Variants in DAPL1 observed in about 807,000 individuals in gnomAD.
DAPL1 encodes the protein death associated protein like 1.
A neutral mutation model predicts 12.9 loss-of-function variants in DAPL1; 17 were observed. That is an observed-to-expected ratio of 1.32 (90% CI 0.90 to 1.98). The LOEUF is 1.98. Ranked by LOEUF, DAPL1 falls within the 30% of genes most tolerant of loss-of-function variation. DAPL1 has a pLI of 0.00. For synonymous variants in DAPL1, 51 were observed against 42.0 expected (o/e 1.21, Z -0.82); for missense variants, 157 against 125.7 (o/e 1.25, Z -1.19).
chr2:158,802,813 C>CT (rs1196067323), intron 1 of DAPL1, among the ~76,000 whole-genome samples: 1 of 152,094 alleles, frequency 6.6e-6, no homozygotes, highest in African/African-American at 2.4e-5. Context: ...ATCCAAGAAC[C>CT]TTTTTTTGGA....
At chr2:158,804,210 T>A (rs2059186114) in intron 1 of DAPL1, 72 bp from the exon 2 acceptor site, 1 of 994,890 alleles carries the variant, frequency 1.0e-6, no homozygotes, top group Admixed American at 2.6e-5. Context: ...AAATCTAAAG[T>A]CATACCTTTA....
chr2:158,796,140 T>A (rs1174180645), intron 1 of DAPL1, among the ~76,000 whole-genome samples: 1 of 152,240 alleles, frequency 6.6e-6, no homozygotes, highest in Non-Finnish European at 1.5e-5. Context: ...TCATATAGAT[T>A]GGCTGAGGTG....
intron 2 of DAPL1, among the ~76,000 whole-genome samples, chr2:158,805,468 A>G (rs966732429): frequency 6.6e-6 from 1 of 152,144 alleles, no homozygotes; most frequent in African/African-American, 2.4e-5. Context: ...TGCATTCTGT[A>G]AATGATATCA....
chr2:158,801,401 C>A (rs2059166812), intron 1 of DAPL1, among the ~76,000 whole-genome samples: 1 of 152,228 alleles, frequency 6.6e-6, no homozygotes, highest in African/African-American at 2.4e-5. Flanking sequence ...TGAGCAGTCA[C>A]CATCTCCCAT....
At chr2:158,796,398 G>C (rs548365624) in intron 1 of DAPL1, among the ~76,000 whole-genome samples, 5 of 152,268 alleles carry the variant, frequency 3.3e-5, no homozygotes, top group African/African-American at 1.2e-4. Context: ...TTTCCGGCGG[G>C]TAGCCTGGCC....
At chr2:158,803,283 A>G (rs923410957) in intron 1 of DAPL1, among the ~76,000 whole-genome samples, 1 of 152,244 alleles carries the variant, frequency 6.6e-6, no homozygotes, top group Non-Finnish European at 1.5e-5. Flanking sequence ...CCTTATGCAG[A>G]TAAGATAACC....
intron 3 of DAPL1, 30 bp downstream of exon 3, chr2:158,807,145 C>A: frequency 6.4e-7 from 1 of 1,572,002 alleles, no homozygotes; most frequent in Non-Finnish European, 8.7e-7. Context: ...CATAGCGCTC[C>A]AAGTCAATCT....
intron 3 of DAPL1, among the ~76,000 whole-genome samples, chr2:158,810,627 G>C (rs2059225369): frequency 6.6e-6 from 1 of 152,102 alleles, no homozygotes; most frequent in Non-Finnish European, 1.5e-5. Flanking sequence ...AAGCAGCCTA[G>C]AATCTACCCC....
intron 3 of DAPL1, among the ~76,000 whole-genome samples, chr2:158,814,235 G>T (rs1471011030): frequency 6.6e-6 from 1 of 152,048 alleles, no homozygotes; most frequent in Admixed American, 6.5e-5. Flanking sequence ...AAAACATTCT[G>T]CCCTTAACAC....
At chr2:158,812,921 A>T (rs1485937299) in intron 3 of DAPL1, among the ~76,000 whole-genome samples, 1 of 152,154 alleles carries the variant, frequency 6.6e-6, no homozygotes, top group South Asian at 2.1e-4. Context: ...AGATATTTGT[A>T]CACCAATATT....
chr2:158,798,550 G>A (rs568009355), intron 1 of DAPL1, among the ~76,000 whole-genome samples: 11 of 152,286 alleles, frequency 7.2e-5, no homozygotes, highest in East Asian at 1.9e-4. Context: ...ACTTCTAGAC[G>A]TGGCAACAGC....
At chr2:158,811,382 G>A (rs745909610) in intron 3 of DAPL1, among the ~76,000 whole-genome samples, 9 of 152,020 alleles carry the variant, frequency 5.9e-5, no homozygotes, top group African/African-American at 2.2e-4. Context: ...GCCAATATTC[G>A]AGTTGGAAGT....
intron 3 of DAPL1, among the ~76,000 whole-genome samples, chr2:158,814,704 T>C (rs1460708248): frequency 6.6e-6 from 1 of 152,204 alleles, no homozygotes; most frequent in African/African-American, 2.4e-5. Context: ...AAACAAACCA[T>C]GAACAGTATG....
chr2:158,800,087 C>A (rs2059158925), intron 1 of DAPL1, among the ~76,000 whole-genome samples: 1 of 144,948 alleles, frequency 6.9e-6, no homozygotes, highest in Admixed American at 6.9e-5. Flanking sequence ...AAAAATTTGG[C>A]ATTTATTTCT....
chr2:158,810,300 A>G (rs1184172707), intron 3 of DAPL1, among the ~76,000 whole-genome samples: 2 of 152,188 alleles, frequency 1.3e-5, no homozygotes, highest in Non-Finnish European at 2.9e-5. Flanking sequence ...ACCTAACAAT[A>G]TACAGCTGGT....
chr2:158,810,709 C>T (rs2105155738), intron 3 of DAPL1, among the ~76,000 whole-genome samples: 1 of 152,252 alleles, frequency 6.6e-6, no homozygotes, highest in African/African-American at 2.4e-5. Flanking sequence ...TGCTTTCCTC[C>T]TCACTCTCCA....
At chr2:158,796,085 C>T (rs768951668) in intron 1 of DAPL1, among the ~76,000 whole-genome samples, 45 of 152,064 alleles carry the variant, frequency 3.0e-4, no homozygotes, top group Middle Eastern at 3.2e-3. Flanking sequence ...TCTATATTGA[C>T]TCTCTGGAAT....
chr2:158,806,876 C>G (rs1019628156), intron 2 of DAPL1, among the ~76,000 whole-genome samples, 179 bp from the exon 3 acceptor site: 15 of 151,420 alleles, frequency 9.9e-5, no homozygotes, highest in East Asian at 1.9e-4. Context: ...AATAATTTGG[C>G]CTGCAAAGCT....
chr2:158,815,794 C>T lies in DAPL1; in HGVS notation c.297C>T (p.Tyr99=), dbSNP rs748374485. The T allele has an allele frequency of 5.0e-6, 8 of 1,613,240 alleles. No individual in the cohort carries two copies. The South Asian group carries it at 8.8e-5, about 18-fold the overall frequency. Residue 99 remains tyrosine (Y), a synonymous_variant, in exon 4 of 4, where the codon TAC becomes TAT. Transcript: ENST00000309950. ...LEKVVPLKRI[Y]IIQQPRKC ...AGGTTGTTCCACTGAAAAGGATCTA[C>T]ATTATTCAGCAGCCTCGAAAATGTT...
Sources: allele counts gnomAD v4.1 joint callset (sites outside exome capture counted in the v4.1 genomes callset), GRCh38; gene constraint gnomAD v4.1.1; transcripts MANE v1.5; gene names NCBI Gene and HGNC (gene_info 2026-07-23, HGNC 2026-07-21).